Variants in PCDH7 observed in about 807,000 individuals in gnomAD.
The protein encoded by PCDH7 is protocadherin 7.
In PCDH7, 17 loss-of-function variants were observed where a neutral mutation model predicts 58.9. That is an observed-to-expected ratio of 0.29 (90% CI 0.20 to 0.43). The LOEUF is 0.43. PCDH7 is among the 20% of genes least tolerant of loss of function. The pLI, the probability that PCDH7 is intolerant of heterozygous loss-of-function variation, is 1.00. For synonymous variants in PCDH7, 664 were observed against 616.4 expected, an observed-to-expected ratio of 1.08 and a Z score of -1.14; for missense variants, 1,274 against 1,441.0, an observed-to-expected ratio of 0.88 and a Z score of 1.88.
intron 1 of PCDH7, among the ~76,000 whole-genome samples, chr4:30,876,768 G>A (rs1410725541): frequency 6.6e-6 from 1 of 151,820 alleles, no homozygotes; most frequent in African/African-American, 2.4e-5. Flanking sequence ...TTTAAGTTCT[G>A]GAATACATAT....
downstream of PCDH7, among the ~76,000 whole-genome samples, chr4:30,737,200 G>C (rs1716426268): frequency 6.6e-6 from 1 of 152,072 alleles, no homozygotes; most frequent in African/African-American, 2.4e-5. Flanking sequence ...TATAACTCCT[G>C]CTCTGATTAC....
intron 3 of PCDH7, among the ~76,000 whole-genome samples, chr4:31,109,150 A>G (rs560207179): frequency 7.2e-5 from 11 of 152,298 alleles, no homozygotes; most frequent in South Asian, 2.1e-4. Context: ...ACCCCATTCC[A>G]TTAATCAAAG....
At position 30,851,579 on chromosome 4, in the gene PCDH7, T is replaced by A. The variant is rs531368558; in HGVS notation, c.71-68574T>A. 3.3e-5 allele frequency among the ~76,000 whole-genome samples: 5 copies of A among 152,166 alleles called. No homozygotes were observed. The East Asian group carries it at 9.7e-4, about 30-fold the overall frequency. ...ATGGTTGGACAAACTATTTAACATC[T>A]CTGAGCTTCAGTTGCTTCATTTGTA... On this transcript the variant is annotated intron_variant, in intron 1 of 3. Coordinates refer to the PCDH7 transcript ENST00000509759.
At chr4:30,790,016 A>T (rs902973149) in intron 1 of PCDH7, among the ~76,000 whole-genome samples, 79 of 152,242 alleles carry the variant, frequency 5.2e-4, no homozygotes, top group Non-Finnish European at 1.8e-4. Context: ...AGAATCCATC[A>T]TTAGATTTGG....
At chr4:31,140,627 A>G (rs1016558394) in intron 3 of PCDH7, among the ~76,000 whole-genome samples, 1 of 151,538 alleles carries the variant, frequency 6.6e-6, no homozygotes, top group African/African-American at 2.4e-5. Context: ...AAAAAAAAGA[A>G]AAGAAAAAAG....
At chr4:30,833,604 G>C (rs553694051) in intron 1 of PCDH7, among the ~76,000 whole-genome samples, 6 of 152,176 alleles carry the variant, frequency 3.9e-5, no homozygotes, top group Admixed American at 1.3e-4. Context: ...TATATTCATA[G>C]GGTACATGGG....
chr4:30,958,920 C>T (rs1748122331), intron 3 of PCDH7, among the ~76,000 whole-genome samples: 1 of 151,976 alleles, frequency 6.6e-6, no homozygotes, highest in South Asian at 2.1e-4. Context: ...TAATACCATA[C>T]TTTTTAAGCA....
At chr4:30,872,210 CTATAATCA>C (rs1279442481) in intron 1 of PCDH7, among the ~76,000 whole-genome samples, 1 of 152,008 alleles carries the variant, frequency 6.6e-6, no homozygotes, top group Non-Finnish European at 1.5e-5. Flanking sequence ...AACGAAGCAA[CTATAATCA>C]TATCAGAATT....
chr4:30,785,483 A>C (rs2109293460), intron 1 of PCDH7, among the ~76,000 whole-genome samples: 1 of 152,186 alleles, frequency 6.6e-6, no homozygotes, highest in East Asian at 1.9e-4. Context: ...TTGCTAGAGA[A>C]ACAAAAAGAT....
intron 2 of PCDH7, among the ~76,000 whole-genome samples, chr4:30,943,062 C>A (rs34059778): frequency 0.073 from 11,094 of 151,966 alleles, 598 homozygotes; most frequent in East Asian, 0.27. Flanking sequence ...TTTGCAAAAA[C>A]CTGCATAAGA....
In PCDH7 at chr4:30,723,485, A is replaced by C; in HGVS notation, c.2063A>C (p.Glu688Ala). 6.2e-7 allele frequency: 1 copy of C among 1,614,126 alleles called. No homozygotes were observed. Among genetic ancestry groups the C allele is most frequent in the Non-Finnish European group, 8.5e-7 (1 of 1,180,020 alleles). Residue 688 changes from glutamate to alanine, a missense_variant, in exon 1 of 2, where the codon GAA becomes GCA. Physicochemically the swap from Glu to Ala is moderately radical, Grantham distance 107. Coordinates refer to ENST00000361762, the Ensembl canonical transcript of PCDH7. This position sits in a 1 kb window ranked among gnomAD's most constrained non-coding sequence, Gnocchi z 4.6. The stretch of plus-strand genomic sequence containing the variant: ...GAGAACAATAACATTTTTTCTATTG[A>C]AAATGACACGGGGACCATTTACTCC...
At chr4:31,095,089 A>G (rs1713785856) in intron 3 of PCDH7, among the ~76,000 whole-genome samples, 2 of 151,868 alleles carry the variant, frequency 1.3e-5, no homozygotes, top group African/African-American at 4.8e-5. Context: ...ACAACAGAGA[A>G]CTGAATTATA....
At chr4:30,911,908 TG>T (rs1362711119) in intron 1 of PCDH7, among the ~76,000 whole-genome samples, 9 of 152,276 alleles carry the variant, frequency 5.9e-5, no homozygotes, top group Admixed American at 5.9e-4. Flanking sequence ...TTAATATCAT[TG>T]TTTTGTTGCA....
At chr4:30,767,304 C>A (rs371034917) in intron 1 of PCDH7, among the ~76,000 whole-genome samples, 1 of 152,170 alleles carries the variant, frequency 6.6e-6, no homozygotes. Context: ...CTACAGTCAT[C>A]CACTTTAATC....
chr4:30,723,399 G>A lies in PCDH7; in HGVS notation c.1977G>A (p.Gly659=). 6.2e-7 allele frequency: 1 copy of A among 1,614,206 alleles called. No homozygotes were observed. Among genetic ancestry groups the A allele is most frequent in the Non-Finnish European group, 8.5e-7 (1 of 1,180,038 alleles). The stretch of plus-strand genomic sequence containing the variant: ...ACTTGCAGCCCAACAGCCCTGTGGG[G>A]ATGGTCACCGTGATGGATGCTGACA... Residue 659 remains glycine, a synonymous_variant, in exon 1 of 2, where the codon GGG becomes GGA. Coordinates refer to ENST00000361762, the Ensembl canonical transcript of PCDH7. This position sits in a 1 kb window ranked among gnomAD's most constrained non-coding sequence, Gnocchi z 4.6.
intron 1 of PCDH7, among the ~76,000 whole-genome samples, chr4:30,783,692 G>A (rs546536878): frequency 6.6e-6 from 1 of 152,296 alleles, no homozygotes; most frequent in Non-Finnish European, 1.5e-5. Context: ...TGAGGTCTGA[G>A]TTCTTTTCCA....
chr4:30,982,256 T>C (rs1750634466), intron 3 of PCDH7, among the ~76,000 whole-genome samples: 1 of 152,106 alleles, frequency 6.6e-6, no homozygotes, highest in African/African-American at 2.4e-5. Context: ...AAGGGGAGTG[T>C]GAAGGGAAAA....
chr4:31,087,806 T>G (rs1712666560), intron 3 of PCDH7, among the ~76,000 whole-genome samples: 1 of 152,156 alleles, frequency 6.6e-6, no homozygotes, highest in Non-Finnish European at 1.5e-5. Context: ...AGTTCTATAC[T>G]TTAGTTTTCT....
At chr4:30,779,540 T>A (rs1303312725) in intron 1 of PCDH7, among the ~76,000 whole-genome samples, 3 of 152,202 alleles carry the variant, frequency 2.0e-5, no homozygotes, top group Non-Finnish European at 2.9e-5. Context: ...AAAAGATAGT[T>A]ATATTCAACT....
Sources: allele counts gnomAD v4.1 joint callset (sites outside exome capture counted in the v4.1 genomes callset), GRCh38; gene constraint gnomAD v4.1.1; non-coding constraint Gnocchi (gnomAD v3.1); transcripts MANE v1.5; gene names NCBI Gene and HGNC (gene_info 2026-07-23, HGNC 2026-07-21).